Variants in ATP8A2 observed in about 807,000 individuals in gnomAD.
The protein encoded by ATP8A2 is ATPase phospholipid transporting 8A2.
ATP8A2 carries 100 observed loss-of-function variants against 165.6 expected under a neutral mutation model. That is an observed-to-expected ratio of 0.60 (90% CI 0.51 to 0.71). ATP8A2 has a LOEUF of 0.71. Ranked by LOEUF, ATP8A2 falls within the 30% of genes least tolerant of loss-of-function variation. ATP8A2 has a pLI of 0.00. For missense variants in ATP8A2, 1,227 were observed against 1,479.5 expected (o/e 0.83, Z 2.80); for synonymous variants, 543 against 548.8 (o/e 0.99, Z 0.15).
At position 25,589,505 on chromosome 13, in the gene ATP8A2, T is replaced by C. The variant is rs2040010716; in HGVS notation, c.2147-130T>C. 5 of 613,084 alleles carry C rather than the reference T, an allele frequency of 8.2e-6. No individual in the cohort carries two copies. In the East Asian group the frequency reaches 1.4e-4, roughly 17 times the overall value. 38.0% of individuals were successfully genotyped at this position (613,084 alleles called of 1,614,324 possible). ...ATCAAAATCAACTTACTTTTCCTAC[T>C]CCTCACTGTTACCCTATTCCTCTGT... On this transcript the variant is annotated intron_variant, in intron 23 of 36. Transcript: ENST00000381655.
intron 10 of ATP8A2, among the ~76,000 whole-genome samples, chr13:25,548,183 G>T (rs911765990): frequency 6.6e-6 from 1 of 152,110 alleles, no homozygotes; most frequent in African/African-American, 2.4e-5. Context: ...CCATGATCAC[G>T]CCACTGCACT....
intron 2 of ATP8A2, among the ~76,000 whole-genome samples, chr13:25,494,578 T>A (rs948655244): frequency 2.6e-5 from 4 of 152,204 alleles, no homozygotes; most frequent in Admixed American, 2.6e-4. Flanking sequence ...TGTTTGTTTT[T>A]ATGAGGGGCA....
At position 26,020,014 on chromosome 13, in the gene ATP8A2, A is replaced by G. The variant is rs191007742; in HGVS notation, c.*29A>G. The stretch of plus-strand genomic sequence containing the variant: ...ATGAATTTTCCTGACTGATCTTAGG[A>G]AAGAGATTCAGTTTGTTGCACCCAG... On this transcript the variant is annotated 3_prime_UTR_variant, in exon 37 of 37. Transcript: ENST00000381655. 49 of 1,508,398 alleles carry G rather than the reference A, an allele frequency of 3.2e-5. No homozygotes were observed. In the East Asian group the frequency reaches 5.0e-4, roughly 15 times the overall value. The allele number at this position is 1,508,398 out of a possible 1,614,324, so 93.4% of individuals were successfully genotyped here. A position where few individuals can be genotyped will look rare whatever the true frequency, so the allele number is the denominator to read the frequency against.
intron 27 of ATP8A2, among the ~76,000 whole-genome samples, chr13:25,801,405 C>A (rs2138457075): frequency 6.6e-6 from 1 of 152,300 alleles, no homozygotes; most frequent in Non-Finnish European, 1.5e-5. Flanking sequence ...TTCTGGCCCG[C>A]TGGCCAAACA....
intron 1 of ATP8A2, among the ~76,000 whole-genome samples, chr13:25,429,293 C>A (rs9507516): frequency 0.4 from 59,874 of 149,416 alleles, 13,432 homozygotes; most frequent in East Asian, 0.59. Context: ...TTGCTGGAAC[C>A]TGGGAGGCGG....
chr13:25,719,637 A>G lies in ATP8A2; in HGVS notation c.2384+20292A>G, dbSNP rs533285847. 6.2e-4 allele frequency among the ~76,000 whole-genome samples: 94 copies of G among 152,352 alleles called. 1 individual carries two copies. Among genetic ancestry groups the G allele is most frequent in the African/African-American group, 2.0e-3 (85 of 41,586 alleles). On this transcript the variant is annotated intron_variant, in intron 25 of 36. Transcript: ENST00000381655. ...ATTCAATCATTTAACATCCATTCCA[A>G]TCTCCCGTCTGTGTCTTTTCCTGTC...
intron 33 of ATP8A2, among the ~76,000 whole-genome samples, chr13:25,915,515 C>G (rs565842851): frequency 1.3e-5 from 2 of 152,322 alleles, no homozygotes; most frequent in African/African-American, 4.8e-5. Context: ...GTGGGCCAGT[C>G]CAGCAGGGGC....
In ATP8A2 at chr13:25,935,977, T is replaced by C. The variant is rs368066268; in HGVS notation, c.3184-25598T>C. Among the ~76,000 whole-genome samples, 44 of 152,330 alleles carry C rather than the reference T, an allele frequency of 2.9e-4. No homozygotes were observed. In the East Asian group the frequency reaches 5.0e-3, roughly 17 times the overall value. On this transcript the variant is annotated intron_variant, in intron 33 of 36. Transcript: ENST00000381655. Reference sequence around the variant, plus strand: ...TTTCATAAAATTTTGAATGTTACCATAAACAAGATTCAAACTAACTTTAGA... The same window carrying C: ...TTTCATAAAATTTTGAATGTTACCACAAACAAGATTCAAACTAACTTTAGA...
At chr13:25,867,823 G>A (rs769052533) in intron 33 of ATP8A2, 2 of 180,608 alleles carry the variant, frequency 1.1e-5, no homozygotes, top group Non-Finnish European at 2.4e-5. Context: ...CTGGGAATGG[G>A]TCAGCCACAG....
At chr13:25,829,008 C>A (rs1382093994) in intron 28 of ATP8A2, among the ~76,000 whole-genome samples, 2 of 152,152 alleles carry the variant, frequency 1.3e-5, no homozygotes, top group Non-Finnish European at 2.9e-5. Context: ...ATGGAAGTTA[C>A]CAGACATACA....
intron 26 of ATP8A2, among the ~76,000 whole-genome samples, chr13:25,773,648 C>A (rs1057203533): frequency 6.6e-6 from 1 of 151,880 alleles, no homozygotes; most frequent in Non-Finnish European, 1.5e-5. Flanking sequence ...TGGTTGGAGG[C>A]AAAAAAGGAG....
At chr13:25,881,984 G>A (rs901015427) in intron 33 of ATP8A2, among the ~76,000 whole-genome samples, 1 of 152,166 alleles carries the variant, frequency 6.6e-6, no homozygotes, top group African/African-American at 2.4e-5. Context: ...GGGAAAGCAG[G>A]CTGACCACTG....
At chr13:25,551,094 A>G (rs538780798) in intron 10 of ATP8A2, among the ~76,000 whole-genome samples, 19 of 152,364 alleles carry the variant, frequency 1.2e-4, no homozygotes, top group Non-Finnish European at 2.2e-4. Flanking sequence ...TAAGAAGTAC[A>G]GAATGAATCA....
At chr13:25,992,672 G>C (rs1178190349) in intron 35 of ATP8A2, among the ~76,000 whole-genome samples, 1 of 106,308 alleles carries the variant, frequency 9.4e-6, no homozygotes, top group Non-Finnish European at 2.5e-5. Flanking sequence ...CCTAAAAGTT[G>C]TATAGTTTTT....
intron 27 of ATP8A2, among the ~76,000 whole-genome samples, chr13:25,799,093 T>TA (rs35261746): frequency 1.8e-4 from 27 of 149,374 alleles, no homozygotes; most frequent in African/African-American, 3.2e-4. Flanking sequence ...AAATAAAGAT[T>TA]AAAAAAAAAA....
At chr13:25,574,570 A>T (rs762836632) in intron 18 of ATP8A2, among the ~76,000 whole-genome samples, 9 of 152,174 alleles carry the variant, frequency 5.9e-5, no homozygotes, top group Non-Finnish European at 1.2e-4. Context: ...CTCTATCTCC[A>T]TCTCTTGGAA....
intron 25 of ATP8A2, among the ~76,000 whole-genome samples, chr13:25,740,760 G>T (rs1039015747): frequency 1.3e-5 from 2 of 152,214 alleles, no homozygotes; most frequent in African/African-American, 4.8e-5. Flanking sequence ...ATGTTCAGCT[G>T]ATAGGAGTTC....
chr13:25,642,997 G>A (rs1375038976), intron 24 of ATP8A2, among the ~76,000 whole-genome samples: 1 of 152,114 alleles, frequency 6.6e-6, no homozygotes, highest in African/African-American at 2.4e-5. Context: ...CTCACTCATA[G>A]GTGGGAATTG....
chr13:25,987,615 C>A (rs772404058), intron 35 of ATP8A2, among the ~76,000 whole-genome samples: 6 of 152,190 alleles, frequency 3.9e-5, no homozygotes, highest in Non-Finnish European at 2.9e-5. Flanking sequence ...ACATAAGGCC[C>A]AGAGAGGATC....
Sources: allele counts gnomAD v4.1 joint callset (sites outside exome capture counted in the v4.1 genomes callset), GRCh38; gene constraint gnomAD v4.1.1; transcripts MANE v1.5; gene names NCBI Gene and HGNC (gene_info 2026-07-23, HGNC 2026-07-21).